Variants in SRR observed in about 807,000 individuals in gnomAD.
The protein encoded by SRR is D-serine ammonia-lyase.
Under a neutral mutation model 32.7 loss-of-function variants are expected in SRR, and 19 were observed. That is an observed-to-expected ratio of 0.58 (90% confidence interval 0.40 to 0.85). SRR has a LOEUF of 0.85. Among genes scored for constraint, SRR ranks in the 40% least tolerant of loss-of-function variants. The pLI, the probability that SRR is intolerant of heterozygous loss-of-function variation, is 0.00. For synonymous variants in SRR, 142 were observed against 140.9 expected (o/e 1.01, Z -0.06); for missense variants, 373 against 404.7 (o/e 0.92, Z 0.67).
chr17:2,324,329 G>A lies in SRR; in HGVS notation c.*456G>A. Reference sequence around the variant, plus strand: ...CAGGTTCATCAGTACTGTGTCTTGAGATTTTAGCTTCCCATCAAAGCTGCA... The same window carrying A: ...CAGGTTCATCAGTACTGTGTCTTGAAATTTTAGCTTCCCATCAAAGCTGCA... On this transcript the variant is annotated 3_prime_UTR_variant, in exon 8 of 8. Coordinates refer to ENST00000344595, the MANE Select transcript of SRR (RefSeq NM_021947.3). 1.3e-6 allele frequency: 2 copies of A among 1,565,480 alleles called. No homozygotes were observed. Among genetic ancestry groups the A allele is most frequent in the Non-Finnish European group, 1.7e-6 (2 of 1,159,304 alleles).
chr17:2,321,368 C>A lies in SRR; in HGVS notation c.462C>A (p.Asn154Lys), dbSNP rs549608226. The change falls in exon 5 of 8, where the codon AAC (asparagine) becomes AAA (lysine). Residue 154 changes from asparagine (N) to lysine (K), a missense_variant. Transcript: ENST00000344595. ...CAGAAGGCATCATGGTACATCCCAACCAGGAGCCTGCAGTGATAGCTGGAC... is the reference window on the plus strand; with the variant it reads ...CAGAAGGCATCATGGTACATCCCAAACAGGAGCCTGCAGTGATAGCTGGAC... ...EETEGIMVHP[N>K]QEPAVIAGQG... The A allele has an allele frequency of 7.4e-6, 12 of 1,612,962 alleles. No homozygotes were observed. In the Admixed American group the frequency reaches 1.5e-4, roughly 20 times the overall value.
At chr17:2,303,689 G>A, upstream of SRR, 2 of 1,496,832 alleles carry the variant, frequency 1.3e-6, no homozygotes, top group Non-Finnish European at 8.9e-7. Flanking sequence ...CTCCGACGCG[G>A]AGATCCGCAC....
chr17:2,310,846 A>T (rs1250317629), intron 1 of SRR, among the ~76,000 whole-genome samples: 6 of 152,074 alleles, frequency 3.9e-5, no homozygotes, highest in African/African-American at 1.4e-4. Context: ...TCCCGGGTTC[A>T]TGCCATTCTC....
intron 1 of SRR, among the ~76,000 whole-genome samples, chr17:2,314,809 T>G (rs2075459016): frequency 6.6e-6 from 1 of 151,778 alleles, no homozygotes; most frequent in Admixed American, 6.6e-5. Context: ...ACATAGTTAT[T>G]TAAATGGAAT....
chr17:2,318,147 G>GTTTGT, intron 3 of SRR, 151 bp downstream of exon 3: 1 of 928,602 alleles, frequency 1.1e-6, no homozygotes. Flanking sequence ...TTTTTTTTTT[G>GTTTGT]TTTGTTTTGT....
intron 6 of SRR, chr17:2,322,684 T>G (rs2075541821): frequency 6.5e-6 from 1 of 154,144 alleles, no homozygotes; most frequent in Admixed American, 6.4e-5. Flanking sequence ...TTTGTTTTTT[T>G]TTTTTGTATT....
chr17:2,304,441 G>A (rs999343123), intron 1 of SRR, among the ~76,000 whole-genome samples: 6 of 148,090 alleles, frequency 4.1e-5, no homozygotes, highest in East Asian at 4.0e-4. Context: ...TTGTAGAGAC[G>A]GGGTTTCACT....
rs2075567566 is a variant in SRR, at chr17:2,325,047, A to G, written c.*1174A>G. 1.6e-6 allele frequency: 1 copy of G among 607,188 alleles called. No homozygotes were observed. The highest frequency in any genetic ancestry group is 2.3e-5 in the South Asian group (1 of 42,926). The allele number at this position is 607,188 out of a possible 1,614,324, so 37.6% of individuals were successfully genotyped here. A position where few individuals can be genotyped will look rare whatever the true frequency, so the allele number is the denominator to read the frequency against. On this transcript the variant is annotated 3_prime_UTR_variant, in exon 8 of 8. Transcript: ENST00000344595. ...GAGAAATGATGTATAACAAAACCAT[A>G]CTTTTTCTCATCAGTTGTTACAAGG... is the stretch of plus-strand genomic sequence containing the variant.
At chr17:2,311,041 C>A (rs917329865) in intron 1 of SRR, among the ~76,000 whole-genome samples, 1 of 151,784 alleles carries the variant, frequency 6.6e-6, no homozygotes, top group South Asian at 2.1e-4. Context: ...CCACCACGCC[C>A]GGCCAATTTT....
chr17:2,303,531 C>A (rs2151424635), upstream of SRR: 2 of 1,337,728 alleles, frequency 1.5e-6, no homozygotes. Context: ...GGGGAAGGGG[C>A]GGGGGCTCCG....
In SRR at chr17:2,318,248, G is replaced by A. The variant is rs552857418; in HGVS notation, c.295+252G>A. On this transcript the variant is annotated intron_variant, in intron 3 of 7. Transcript: ENST00000344595. ...TAACCTCCACCTGCCGGGTTCAAGC[G>A]ATTCTCCTGCCTCAGCCTCCTGAGT... Among the ~76,000 whole-genome samples the A allele has an allele frequency of 2.9e-4, 44 of 151,878 alleles. No homozygotes were observed. The East Asian group carries it at 5.6e-3, about 19-fold the overall frequency.
At chr17:2,304,401 G>T (rs569064378) in intron 1 of SRR, among the ~76,000 whole-genome samples, 3 of 149,420 alleles carry the variant, frequency 2.0e-5, no homozygotes, top group Non-Finnish European at 4.5e-5. Flanking sequence ...ACAGGTGCAC[G>T]CCACCAAGCC....
chr17:2,304,254 CT>C (rs138975336), intron 1 of SRR, among the ~76,000 whole-genome samples: 55 of 128,616 alleles, frequency 4.3e-4, no homozygotes, highest in Admixed American at 7.2e-4. Flanking sequence ...TTACTATTCC[CT>C]TTTTTTTTTA....
intron 1 of SRR, among the ~76,000 whole-genome samples, chr17:2,310,829 C>G (rs2075428411): frequency 6.6e-6 from 1 of 152,178 alleles, no homozygotes; most frequent in Admixed American, 6.5e-5. Flanking sequence ...TCACTGCAAA[C>G]TCCGCCTCCC....
In SRR at chr17:2,323,159, A is replaced by G. The variant is rs1223402922; in HGVS notation, c.618A>G (p.Val206=). ...TVKALKPSVK[V]YAAEPSNADD... ...AGGCTCTGAAACCTAGTGTGAAGGT[A>G]TATGCTGCTGAACCCTCAAATGCAG... The change falls in exon 7 of 8, where the codon GTA becomes GTG. Residue 206 remains valine (V), a synonymous_variant. Coordinates refer to ENST00000344595, the MANE Select transcript of SRR (RefSeq NM_021947.3). 1.2e-6 allele frequency: 2 copies of G among 1,614,092 alleles called. No homozygotes were observed. The highest frequency in any genetic ancestry group is 1.7e-6 in the Non-Finnish European group (2 of 1,180,052).
intron 4 of SRR, among the ~76,000 whole-genome samples, chr17:2,320,794 TGA>T (rs1271974544): frequency 1.5e-4 from 22 of 151,604 alleles, no homozygotes; most frequent in Admixed American, 1.3e-3. Flanking sequence ...ACTCCTGACC[TGA>T]AGTGATCTGC....
chr17:2,323,949 CT>C lies in SRR; in HGVS notation c.*78del. 7.4e-7 allele frequency: 1 copy of C among 1,351,590 alleles called. No homozygotes were observed. Among genetic ancestry groups the C allele is most frequent in the Non-Finnish European group, 1.0e-6 (1 of 971,062 alleles). The allele number at this position is 1,351,590 out of a possible 1,614,324, so 83.7% of individuals were successfully genotyped here. ...ATTTTGTTTCCTAGTATTGTCAACT[CT>C]TAGTTATCAGATTCTTAATGGAGAG... On this transcript the variant is annotated 3_prime_UTR_variant, in exon 8 of 8. Transcript: ENST00000344595.
chr17:2,315,679 GCAAT>G lies in SRR; in HGVS notation c.121_124del (p.Asn41PhefsTer31). The G allele has an allele frequency of 6.2e-7, 1 of 1,613,914 alleles. No homozygotes were observed. On this transcript the variant is annotated frameshift_variant, in exon 2 of 8. Transcript: ENST00000344595. LOFTEE classifies it high-confidence loss of function. ...TCCATTTTGAATCAACTAACAGGGC[GCAAT>G]CTTTTCTTCAAATGTGAACTCTTCC...
chr17:2,318,594 C>T (rs566483310), intron 3 of SRR, among the ~76,000 whole-genome samples: 1 of 147,462 alleles, frequency 6.8e-6, no homozygotes, highest in African/African-American at 2.5e-5. Flanking sequence ...CCTGGGACTA[C>T]AGGAGCCTGC....
Sources: gnomAD v4.1 joint callset for allele counts (sites outside exome capture counted in the v4.1 genomes callset) on GRCh38, gnomAD v4.1.1 for gene constraint, MANE v1.5 for transcripts, NCBI Gene and HGNC (gene_info 2026-07-23, HGNC 2026-07-21) for gene names.